Variants in DOCK3 observed in about 807,000 individuals in gnomAD.
The protein encoded by DOCK3 is dedicator of cytokinesis protein 3.
In DOCK3, 60 loss-of-function variants were observed where a neutral mutation model predicts 265.6. That is an observed-to-expected ratio of 0.23 (90% confidence interval 0.18 to 0.28). The LOEUF is 0.28. DOCK3 is among the 10% of genes least tolerant of loss of function. The pLI is 1.00. For synonymous variants in DOCK3, 881 were observed against 938.0 expected (o/e 0.94, Z 1.11); for missense variants, 1,981 against 2,594.3 (o/e 0.76, Z 5.14).
intron 5 of DOCK3, among the ~76,000 whole-genome samples, chr3:51,038,465 C>T (rs948374387): frequency 5.9e-5 from 9 of 152,110 alleles, no homozygotes; most frequent in South Asian, 2.1e-4. Context: ...TTTCAATACA[C>T]TGTGGAGATG....
At position 51,227,321 on chromosome 3, in the gene DOCK3, T is replaced by C. The variant is rs2090368733; in HGVS notation, c.1416T>C (p.Ser472=). 1 of 1,613,680 alleles carries C rather than the reference T, an allele frequency of 6.2e-7. No homozygotes were observed. Among genetic ancestry groups the C allele is most frequent in the African/African-American group, 1.3e-5 (1 of 74,852 alleles). The change falls in exon 16 of 53, where the codon AGT becomes AGC. Residue 472 remains serine (S), a synonymous_variant. Transcript: ENST00000266037. The stretch of plus-strand genomic sequence containing the variant: ...TGGGTTCAGGAGAGCCAAATAGGAG[T>C]TCCTACCACTCCTTTGTCCTCTACC... ...ISLGSGEPNR[S]SYHSFVLYHS...
At chr3:51,080,337 A>G (rs556434960) in intron 7 of DOCK3, among the ~76,000 whole-genome samples, 1 of 152,348 alleles carries the variant, frequency 6.6e-6, no homozygotes, top group East Asian at 1.9e-4. Flanking sequence ...TAATTAATTT[A>G]TATTTTTGAC....
At chr3:50,735,376 G>C (rs1339231368) in intron 1 of DOCK3, among the ~76,000 whole-genome samples, 1 of 152,150 alleles carries the variant, frequency 6.6e-6, no homozygotes, top group East Asian at 1.9e-4. Flanking sequence ...TGGAGTCTCT[G>C]TCACCCAGGC....
intron 44 of DOCK3, 36 bp from the exon 45 acceptor site, chr3:51,357,722 G>T: frequency 6.2e-7 from 1 of 1,610,360 alleles, no homozygotes; most frequent in Non-Finnish European, 8.5e-7. Flanking sequence ...AGTAGTCCTG[G>T]GAAGAGTCTT....
intron 51 of DOCK3, chr3:51,379,481 G>A (rs1281015981): frequency 1.0e-6 from 1 of 985,314 alleles, no homozygotes; most frequent in Non-Finnish European, 1.2e-6. Flanking sequence ...CTGGAGTCTG[G>A]ATAGCGGAGC....
Position 50,841,703 on chromosome 3 carries a change from G to T in DOCK3, c.150G>T (p.Lys50Asn). The change falls in exon 3 of 53, where the codon AAG becomes AAT. Residue 50 changes from lysine (K) to asparagine (N), a missense_variant. Coordinates refer to ENST00000266037, the MANE Select transcript of DOCK3 (RefSeq NM_004947.5). ...GGTACAGAGGAGTTTCAACAAAGAAGCCAAATGTGAAGGTAATGAAAAGTT... is the reference window on the plus strand; with the variant it reads ...GGTACAGAGGAGTTTCAACAAAGAATCCAAATGTGAAGGTAATGAAAAGTT... Reference protein sequence around the residue: ...EGWYRGVSTKKPNVKGIFPAN... With the variant: ...EGWYRGVSTKNPNVKGIFPAN... 2.5e-6 allele frequency: 3 copies of T among 1,222,162 alleles called. No individual in the cohort carries two copies. The highest frequency in any genetic ancestry group is 3.2e-6 in the Non-Finnish European group (3 of 948,718). 75.7% of individuals were successfully genotyped at this position (1,222,162 alleles called of 1,614,324 possible).
At chr3:50,771,179 A>G (rs893781936) in intron 1 of DOCK3, among the ~76,000 whole-genome samples, 1 of 152,216 alleles carries the variant, frequency 6.6e-6, no homozygotes, top group African/African-American at 2.4e-5. Flanking sequence ...AATGGGAGAA[A>G]ATATTTGCAA....
At position 51,270,819 on chromosome 3, in the gene DOCK3, C is replaced by G; in HGVS notation, c.2360C>G (p.Ala787Gly). 1 of 1,613,186 alleles carries G rather than the reference C, an allele frequency of 6.2e-7. No homozygotes were observed. Among genetic ancestry groups the G allele is most frequent in the African/African-American group, 1.3e-5 (1 of 75,048 alleles). ...CAGCTTCATTTGCTTCTGCAGGCTG[C>G]ACTCCTCAATTCTTTCCCAACCATC... ...NSETLLFTQA[A>G]LLNSFPTIFD... The change falls in exon 24 of 53, where the codon GCA becomes GGA. Residue 787 changes from alanine to glycine, a missense_variant. This residue lies in a region of DOCK3 where 1,357 missense variants were observed against 1,866.8 expected (regional missense o/e 0.73). Transcript: ENST00000266037.
intron 19 of DOCK3, among the ~76,000 whole-genome samples, chr3:51,231,053 C>T (rs1362789886): frequency 2.0e-5 from 3 of 150,708 alleles, no homozygotes; most frequent in Non-Finnish European, 3.0e-5. Context: ...AACTAATTTA[C>T]ATTCCCACCA....
chr3:50,899,809 A>AC (rs1237719982), intron 4 of DOCK3, among the ~76,000 whole-genome samples: 3 of 151,376 alleles, frequency 2.0e-5, no homozygotes, highest in Non-Finnish European at 4.4e-5. Context: ...TTGCTCCTCT[A>AC]CCCCCCACTT....
chr3:50,935,413 G>A (rs112040988), intron 5 of DOCK3, among the ~76,000 whole-genome samples: 3,912 of 152,228 alleles, frequency 0.026, 80 homozygotes, highest in Non-Finnish European at 0.033. Context: ...TGGGTGGCAG[G>A]GAGGAACCCA....
At chr3:50,778,858 C>A in intron 2 of DOCK3, 100 bp downstream of exon 2, 4 of 760,780 alleles carry the variant, frequency 5.3e-6, no homozygotes, top group Non-Finnish European at 4.0e-6. Flanking sequence ...AATTCTGGAG[C>A]CATAATTAGT....
At chr3:51,199,925 G>A (rs1192919570) in intron 12 of DOCK3, among the ~76,000 whole-genome samples, 1 of 152,212 alleles carries the variant, frequency 6.6e-6, no homozygotes, top group Non-Finnish European at 1.5e-5. Flanking sequence ...GGCAAACAGG[G>A]TCTGGAGTGG....
intron 3 of DOCK3, among the ~76,000 whole-genome samples, chr3:50,858,637 T>A (rs943104276): frequency 3.9e-5 from 6 of 152,074 alleles, no homozygotes; most frequent in African/African-American, 1.2e-4. Flanking sequence ...TTGGGGATGA[T>A]CTTCTTATGT....
At chr3:51,023,631 G>C (rs2079690872) in intron 5 of DOCK3, among the ~76,000 whole-genome samples, 1 of 152,124 alleles carries the variant, frequency 6.6e-6, no homozygotes, top group Admixed American at 6.5e-5. Context: ...GGCCAGGCTA[G>C]TCTCAAACTC....
intron 47 of DOCK3, 135 bp downstream of exon 47, chr3:51,360,767 C>A: frequency 8.5e-7 from 1 of 1,177,532 alleles, no homozygotes; most frequent in Non-Finnish European, 1.2e-6. Context: ...GTGGCTCCTG[C>A]CATAGGACCC....
chr3:51,193,331 A>C lies in DOCK3; in HGVS notation c.1038-15443A>C, dbSNP rs999754267. Reference sequence around the variant, plus strand: ...GATTGTGTTTGCTAGTATTTTGTTTAGGATGTTAGCATCTGTGTTTACCAG... The same window carrying C: ...GATTGTGTTTGCTAGTATTTTGTTTCGGATGTTAGCATCTGTGTTTACCAG... On this transcript the variant is annotated intron_variant, in intron 12 of 52. Coordinates refer to ENST00000266037, the MANE Select transcript of DOCK3 (RefSeq NM_004947.5). Among the ~76,000 whole-genome samples the C allele has an allele frequency of 2.0e-5, 3 of 152,166 alleles. No homozygotes were observed. In the East Asian group the frequency reaches 5.8e-4, roughly 29 times the overall value.
At chr3:50,777,153 A>G (rs988896864) in intron 1 of DOCK3, among the ~76,000 whole-genome samples, 2 of 152,192 alleles carry the variant, frequency 1.3e-5, no homozygotes, top group Admixed American at 6.5e-5. Context: ...ATGGAAGTAC[A>G]ATTCAAGATG....
chr3:51,228,859 G>A, intron 18 of DOCK3, 27 bp downstream of exon 18: 1 of 1,609,646 alleles, frequency 6.2e-7, no homozygotes, highest in Non-Finnish European at 8.5e-7. Context: ...GCAGGGTGGT[G>A]CCCTCCACCC....
Sources: gnomAD v4.1 joint callset for allele counts (sites outside exome capture counted in the v4.1 genomes callset) on GRCh38, gnomAD v4.1.1 for gene constraint, gnomAD v4.1.1 regional missense constraint, MANE v1.5 for transcripts, NCBI Gene and HGNC (gene_info 2026-07-23, HGNC 2026-07-21) for gene names.